Variants in SNAPC4 observed in about 807,000 individuals in gnomAD.
SNAPC4 encodes small nuclear RNA activating complex polypeptide 4, also known as snRNA-activating protein complex subunit 4.
In SNAPC4, 127 loss-of-function variants were observed where a neutral mutation model predicts 151.3. The observed-to-expected ratio is 0.84, with a 90% CI of 0.73 to 0.97. The LOEUF (loss-of-function observed/expected upper bound fraction) is 0.97. SNAPC4 is among the 50% of genes least tolerant of loss of function. The probability of loss-of-function intolerance (pLI) is 0.00; values close to 1 mark genes in which losing one functional copy is unlikely to be tolerated. For missense variants in SNAPC4, 2,186 were observed against 1,935.0 expected (o/e 1.13, Z -2.43); for synonymous variants, 1,002 against 824.4 (o/e 1.22, Z -3.69).
In SNAPC4 at chr9:136,383,723, T is replaced by C; in HGVS notation, c.1501-55A>G. The C allele has an allele frequency of 6.4e-7, 1 of 1,559,362 alleles. No homozygotes were observed. Among genetic ancestry groups the C allele is most frequent in the South Asian group, 1.2e-5 (1 of 82,084 alleles). On this transcript the variant is annotated intron_variant, in intron 15 of 23. Coordinates refer to ENST00000684778, the MANE Select transcript of SNAPC4 (RefSeq NM_003086.4). This position sits in a 1 kb window ranked among gnomAD's most constrained non-coding sequence, Gnocchi z 4.2. ...CTTGGCAAGCCCGGTTCACCCATGA[T>C]GGCAGCAAGCAGGCCAGCCCTTTGG... is the stretch of plus-strand genomic sequence containing the variant.
Position 136,383,887 on chromosome 9 carries a change from C to T in SNAPC4, c.1500+66G>A, listed in dbSNP as rs1833800325. 6.8e-7 allele frequency: 1 copy of T among 1,478,454 alleles called. No homozygotes were observed. Among genetic ancestry groups the T allele is most frequent in the Non-Finnish European group, 9.4e-7 (1 of 1,059,132 alleles). 91.6% of individuals were successfully genotyped at this position (1,478,454 alleles called of 1,614,324 possible). A position where few individuals can be genotyped will look rare whatever the true frequency, so the allele number is the denominator to read the frequency against. The stretch of plus-strand genomic sequence containing the variant: ...CCCCCCTCCCCTCCCCTCCTCCTGC[C>T]TGCTGGACCCCCCAGTTGACCAGGC... On this transcript the variant is annotated intron_variant, in intron 15 of 23. Transcript: ENST00000684778. This position sits in a 1 kb window ranked among gnomAD's most constrained non-coding sequence, Gnocchi z 4.2.
In SNAPC4 at chr9:136,378,639, A is replaced by C; in HGVS notation, c.3188T>G (p.Ile1063Arg). ...LPVQPLSLTH[I>R]GGPHVATSVP... Reference sequence around the variant, plus strand: ...ACTGGTCGCCACATGTGGCCCTCCTATGTGCGTCAGGCTGAGGGGCTGGAC... The same window carrying C: ...ACTGGTCGCCACATGTGGCCCTCCTCTGTGCGTCAGGCTGAGGGGCTGGAC... The change falls in exon 22 of 24, where the codon ATA (isoleucine) becomes AGA (arginine). Residue 1063 changes from isoleucine (I) to arginine (R), a missense_variant. By Grantham distance (97) the Ile-to-Arg change is moderately conservative. Coordinates refer to ENST00000684778, the MANE Select transcript of SNAPC4 (RefSeq NM_003086.4). 1 of 1,438,188 alleles carries C rather than the reference A, an allele frequency of 7.0e-7. No individual in the cohort carries two copies. The highest frequency in any genetic ancestry group is 2.8e-5 in the East Asian group (1 of 35,492). 89.1% of individuals were successfully genotyped at this position (1,438,188 alleles called of 1,614,324 possible).
chr9:136,381,402 C>G lies in SNAPC4; in HGVS notation c.2318-10G>C. 6.2e-7 allele frequency: 1 copy of G among 1,611,462 alleles called. No homozygotes were observed. Among genetic ancestry groups the G allele is most frequent in the Non-Finnish European group, 8.5e-7 (1 of 1,178,760 alleles). On this transcript the variant is annotated splice_polypyrimidine_tract_variant and intron_variant, in intron 18 of 23. Coordinates refer to ENST00000684778, the MANE Select transcript of SNAPC4 (RefSeq NM_003086.4). Reference sequence around the variant, plus strand: ...TCCCTGAGGCCATCCGCTGCGGGCACAGGGGGATAAGTGGAAAGCAGCCCC... The same window carrying G: ...TCCCTGAGGCCATCCGCTGCGGGCAGAGGGGGATAAGTGGAAAGCAGCCCC...
chr9:136,381,830 T>C lies in SNAPC4; in HGVS notation c.2311A>G (p.Thr771Ala). 6.2e-7 allele frequency: 1 copy of C among 1,611,706 alleles called. No individual in the cohort carries two copies. The highest frequency in any genetic ancestry group is 8.5e-7 in the Non-Finnish European group (1 of 1,179,500). ...QASQRPAVVQ[T>A]QADGLREQLQ... ...GAGGAGCCCCAGGCCATACCTTGAGTCTGCACTACGGCGGGTCTCTGGGAA... is the reference window on the plus strand; with the variant it reads ...GAGGAGCCCCAGGCCATACCTTGAGCCTGCACTACGGCGGGTCTCTGGGAA... Residue 771 changes from threonine to alanine, a missense_variant, in exon 18 of 24, where the codon ACT becomes GCT. Coordinates refer to ENST00000684778, the MANE Select transcript of SNAPC4 (RefSeq NM_003086.4).
intron 11 of SNAPC4, 62 bp from the exon 12 acceptor site, chr9:136,387,910 CAGCT>C: frequency 1.1e-6 from 1 of 938,292 alleles, no homozygotes; most frequent in Non-Finnish European, 1.8e-6. Context: ...ATAGAGTAGA[CAGCT>C]AGGGACAACA....
chr9:136,381,283 C>T (rs764157165), intron 19 of SNAPC4, 39 bp downstream of exon 19: 1 of 1,544,434 alleles, frequency 6.5e-7, no homozygotes, highest in Non-Finnish European at 8.9e-7. Flanking sequence ...AAACTTTTTA[C>T]AAGGCAAAGG....
At chr9:136,395,876 C>A in intron 3 of SNAPC4, 106 bp from the exon 4 acceptor site, 4 of 1,157,294 alleles carry the variant, frequency 3.5e-6, no homozygotes, top group Non-Finnish European at 4.9e-6. Context: ...CGAGGCAGCT[C>A]TGGCATAGCA....
chr9:136,376,550 GGAGT>G (rs1833454819), intron 22 of SNAPC4, 69 bp from the exon 23 acceptor site: 4 of 1,574,350 alleles, frequency 2.5e-6, no homozygotes, highest in Admixed American at 3.4e-5. Context: ...GGAAGGGACG[GGAGT>G]GAGGAGGGGC....
chr9:136,378,575 C>G lies in SNAPC4; in HGVS notation c.3252G>C (p.Gly1084=). The G allele has an allele frequency of 6.3e-7, 1 of 1,588,884 alleles. No homozygotes were observed. Among genetic ancestry groups the G allele is most frequent in the Non-Finnish European group, 8.5e-7 (1 of 1,170,764 alleles). ...LPVTWVLTAQ[G]LLPVPVPAVV... is the part of the protein sequence containing the mutation. ...CAGCTGGTACAGGAACAGGGAGAAG[C>G]CCCTGGGCTGTGAGCACCCAGGTGA... The change falls in exon 22 of 24, where the codon GGG becomes GGC. Residue 1084 remains glycine (G), a synonymous_variant. Coordinates refer to ENST00000684778, the MANE Select transcript of SNAPC4 (RefSeq NM_003086.4).
chr9:136,378,000 TG>T lies in SNAPC4; in HGVS notation c.3826del (p.Gln1276ArgfsTer131). On this transcript the variant is annotated frameshift_variant, in exon 22 of 24. Transcript: ENST00000684778. LOFTEE classifies it high-confidence loss of function. ...CTGCTGTGTGGCCGCCTCGCCCTCC[TG>T]GGACAGCAGGCCCAGGTCCAGGGCC... ...KGALDLGLLS[Q>X]EGEAATQQWL... 3.1e-6 allele frequency: 5 copies of T among 1,601,522 alleles called. No homozygotes were observed. The highest frequency in any genetic ancestry group is 4.3e-6 in the Non-Finnish European group (5 of 1,174,956).
chr9:136,390,842 T>A (rs1040483324), intron 10 of SNAPC4, among the ~76,000 whole-genome samples: 7 of 145,216 alleles, frequency 4.8e-5, no homozygotes, highest in Non-Finnish European at 7.5e-5. Flanking sequence ...ATTTATTTAT[T>A]TTTTTTTTTT....
chr9:136,389,518 G>A (rs558644141), intron 10 of SNAPC4, among the ~76,000 whole-genome samples: 2 of 151,970 alleles, frequency 1.3e-5, no homozygotes, highest in East Asian at 1.9e-4. Flanking sequence ...TCTGAGACTC[G>A]TTCACCACAA....
intron 10 of SNAPC4, among the ~76,000 whole-genome samples, chr9:136,391,269 T>C (rs1259902074): frequency 6.6e-6 from 1 of 152,154 alleles, no homozygotes; most frequent in African/African-American, 2.4e-5. Flanking sequence ...TGCTCTGCCA[T>C]AAAAAAGTAA....
chr9:136,398,296 T>C lies in SNAPC4; in HGVS notation c.130+3A>G. Reference sequence around the variant, plus strand: ...CCCAGGAGGCTAGGTACAAGGGGCTTACCTGCTTCAGAATCTGACTCGAGA... The same window carrying C: ...CCCAGGAGGCTAGGTACAAGGGGCTCACCTGCTTCAGAATCTGACTCGAGA... On this transcript the variant is annotated splice_donor_region_variant and intron_variant, in intron 2 of 23. Coordinates refer to ENST00000684778, the MANE Select transcript of SNAPC4 (RefSeq NM_003086.4). 5 of 1,612,562 alleles carry C rather than the reference T, an allele frequency of 3.1e-6. No individual in the cohort carries two copies. The highest frequency in any genetic ancestry group is 4.2e-6 in the Non-Finnish European group (5 of 1,178,898).
Position 136,383,990 on chromosome 9 carries a change from C to A in SNAPC4, c.1463G>T (p.Gly488Val). 2.5e-6 allele frequency: 4 copies of A among 1,613,870 alleles called. No homozygotes were observed. The highest frequency in any genetic ancestry group is 3.4e-6 in the Non-Finnish European group (4 of 1,179,992). The change falls in exon 15 of 24, where the codon GGC becomes GTC. Residue 488 changes from glycine to valine, a missense_variant. Transcript: ENST00000684778. This position sits in a 1 kb window ranked among gnomAD's most constrained non-coding sequence, Gnocchi z 4.2. ...CTTCCACTTGCTCAGACACTGGGAGCCAGACCGATGGGGCAGCTCAGAAGC... is the reference window on the plus strand; with the variant it reads ...CTTCCACTTGCTCAGACACTGGGAGACAGACCGATGGGGCAGCTCAGAAGC... ...KIASELPHRSGSQCLSKWKIM... is the reference protein window; with the variant it reads ...KIASELPHRSVSQCLSKWKIM...
chr9:136,387,500 G>C lies in SNAPC4; in HGVS notation c.1310C>G (p.Ala437Gly), dbSNP rs1419345476. ...IREEVPGRSD[A>G]QCRDRYLRRL... ...TGCGACTCACCGATCTCGGCACTGGGCATCGCTCCTACCTGGCACCTCTTC... is the reference window on the plus strand; with the variant it reads ...TGCGACTCACCGATCTCGGCACTGGCCATCGCTCCTACCTGGCACCTCTTC... The change falls in exon 13 of 24, where the codon GCC becomes GGC. Residue 437 changes from alanine to glycine, a missense_variant. Ala to Gly is a moderately conservative substitution (Grantham distance 60). Transcript: ENST00000684778. 7.4e-6 allele frequency: 12 copies of C among 1,612,412 alleles called. No individual in the cohort carries two copies. Among genetic ancestry groups the C allele is most frequent in the Non-Finnish European group, 1.0e-5 (12 of 1,178,538 alleles).
intron 17 of SNAPC4, 85 bp downstream of exon 17, chr9:136,382,168 G>A (rs1833720118): frequency 1.3e-6 from 2 of 1,585,520 alleles, no homozygotes; most frequent in East Asian, 2.3e-5. Flanking sequence ...ACCCCCATCA[G>A]GGCATGATCG....
rs560912965 is a variant in SNAPC4 at position 136,383,542 on chromosome 9, C to T, written c.1627G>A (p.Glu543Lys). 18 of 1,590,778 alleles carry T rather than the reference C, an allele frequency of 1.1e-5. No individual in the cohort carries two copies. The East Asian group carries it at 1.1e-4, about 10-fold the overall frequency. ...GSSSSSSSSS[E>K]EDEPEQAQAG... ...TGCGCCTGCTCTGGCTCGTCCTCCT[C>T]GCTGCTGCTGCTGCTGCTGCTGCTG... is the stretch of plus-strand genomic sequence containing the variant. The change falls in exon 16 of 24, where the codon GAG becomes AAG. Residue 543 changes from glutamate to lysine, a missense_variant. Physicochemically the swap from Glu to Lys is moderately conservative, Grantham distance 56. Transcript: ENST00000684778. The surrounding 1 kb of genome is among the most constrained non-coding windows in gnomAD (Gnocchi z 4.2).
Position 136,392,675 on chromosome 9 carries a change from G to C in SNAPC4, c.735C>G (p.Ile245Met). ...GREAEKEIQD[I>M]NQLPEEALLG... ...CCCTCCCGGGAGGCCCCCCTCACTT[G>C]ATGTCCTGGATCTCCTTCTCGGCTT... The change falls in exon 8 of 24, where the codon ATC (isoleucine) becomes ATG (methionine). Residue 245 changes from isoleucine (I) to methionine (M), a missense_variant and splice_region_variant. By Grantham distance (10) the Ile-to-Met change is conservative. Coordinates refer to ENST00000684778, the MANE Select transcript of SNAPC4 (RefSeq NM_003086.4). 6.2e-7 allele frequency: 1 copy of C among 1,613,674 alleles called. No individual in the cohort carries two copies. The highest frequency in any genetic ancestry group is 8.5e-7 in the Non-Finnish European group (1 of 1,179,936).
Sources: allele counts gnomAD v4.1 joint callset (sites outside exome capture counted in the v4.1 genomes callset), GRCh38; gene constraint gnomAD v4.1.1; non-coding constraint Gnocchi (gnomAD v3.1); transcripts MANE v1.5; gene names NCBI Gene and HGNC (gene_info 2026-07-23, HGNC 2026-07-21).